Variants in MEF2A observed in about 807,000 individuals in gnomAD.
MEF2A encodes the protein myocyte enhancer factor 2A, also known as myocyte-specific enhancer factor 2A.
MEF2A carries 28 observed loss-of-function variants against 55.8 expected under a neutral mutation model. The ratio of observed to expected loss-of-function variants is 0.50; its 90% CI spans 0.37 to 0.69. The LOEUF (loss-of-function observed/expected upper bound fraction) is 0.69, where lower values mean the gene tolerates loss of function less well. Among genes scored for constraint, MEF2A ranks in the 30% least tolerant of loss-of-function variants. The pLI is 0.00. For missense variants in MEF2A, 528 were observed against 626.2 expected, an observed-to-expected ratio of 0.84 and a Z score of 1.67; for synonymous variants, 239 against 227.1, an observed-to-expected ratio of 1.05 and a Z score of -0.47.
intron 1 of MEF2A, among the ~76,000 whole-genome samples, chr15:99,585,590 A>G (rs888792433): frequency 6.6e-6 from 1 of 152,236 alleles, no homozygotes; most frequent in African/African-American, 2.4e-5. Context: ...CGCAGTGACG[A>G]CTTTTCAATA....
At position 99,645,719 on chromosome 15, in the gene MEF2A, A is replaced by G; in HGVS notation, c.213A>G (p.Glu71=). 4 of 1,612,720 alleles carry G rather than the reference A, an allele frequency of 2.5e-6. No individual in the cohort carries two copies. Among genetic ancestry groups the G allele is most frequent in the Non-Finnish European group, 3.4e-6 (4 of 1,179,268 alleles). Residue 71 remains glutamate (E), a synonymous_variant, in exon 4 of 12, where the codon GAA becomes GAG. Coordinates refer to ENST00000557942, the MANE Select transcript of MEF2A (RefSeq NM_001319206.4). ...DMDKVLLKYT[E]YNEPHESRTN... ...ACAAAGTTCTTCTCAAGTATACAGA[A>G]TATAATGAACCTCATGAAAGCAGAA...
chr15:99,696,766 T>C (rs1273974043), intron 8 of MEF2A, among the ~76,000 whole-genome samples: 1 of 151,820 alleles, frequency 6.6e-6, no homozygotes, highest in Non-Finnish European at 1.5e-5. Flanking sequence ...ACAGTCTCTT[T>C]CAGAAAAAAT....
intron 4 of MEF2A, among the ~76,000 whole-genome samples, chr15:99,667,618 C>G (rs767679531): frequency 6.6e-6 from 1 of 151,992 alleles, no homozygotes; most frequent in Non-Finnish European, 1.5e-5. Flanking sequence ...AAAATGTTGC[C>G]TTTGTAAATT....
At chr15:99,575,227 C>A (rs1323219775) in intron 1 of MEF2A, among the ~76,000 whole-genome samples, 1 of 152,106 alleles carries the variant, frequency 6.6e-6, no homozygotes, top group Non-Finnish European at 1.5e-5. Context: ...ATGTACAGTT[C>A]ATGTTGAAAT....
At chr15:99,656,268 C>G (rs1220424147) in intron 4 of MEF2A, among the ~76,000 whole-genome samples, 1 of 152,108 alleles carries the variant, frequency 6.6e-6, no homozygotes. Context: ...TCCTCCACAT[C>G]TACTAACATA....
intron 2 of MEF2A, among the ~76,000 whole-genome samples, chr15:99,630,940 C>T (rs960290720): frequency 8.5e-5 from 13 of 152,312 alleles, no homozygotes; most frequent in African/African-American, 2.4e-4. Flanking sequence ...CTCAGTCTCT[C>T]GGGCAGTAGT....
intron 4 of MEF2A, among the ~76,000 whole-genome samples, chr15:99,652,639 G>C (rs987012307): frequency 6.6e-6 from 1 of 152,142 alleles, no homozygotes; most frequent in African/African-American, 2.4e-5. Flanking sequence ...AGTAAACCAG[G>C]TCCACATGAG....
At chr15:99,695,007 G>T (rs1418034752) in intron 8 of MEF2A, among the ~76,000 whole-genome samples, 1 of 150,840 alleles carries the variant, frequency 6.6e-6, no homozygotes, top group African/African-American at 2.4e-5. Flanking sequence ...GGGGGAGCAG[G>T]CGCTTTTTTA....
At chr15:99,588,072 T>G (rs746963574) in intron 1 of MEF2A, among the ~76,000 whole-genome samples, 1 of 152,138 alleles carries the variant, frequency 6.6e-6, no homozygotes, top group African/African-American at 2.4e-5. Context: ...GTGGATGCTC[T>G]TTATAGGTTG....
At chr15:99,614,776 T>C (rs1257635895) in intron 2 of MEF2A, among the ~76,000 whole-genome samples, 1 of 152,070 alleles carries the variant, frequency 6.6e-6, no homozygotes, top group Non-Finnish European at 1.5e-5. Context: ...GGATAAGAGC[T>C]ACTGAGAGAG....
At chr15:99,665,818 C>A (rs944747510) in intron 4 of MEF2A, among the ~76,000 whole-genome samples, 1 of 149,592 alleles carries the variant, frequency 6.7e-6, no homozygotes, top group Non-Finnish European at 1.5e-5. Flanking sequence ...TTTATGCAGC[C>A]AACAAACATA....
chr15:99,637,922 C>T (rs2044180994), intron 3 of MEF2A, among the ~76,000 whole-genome samples: 2 of 152,146 alleles, frequency 1.3e-5, no homozygotes, highest in South Asian at 2.1e-4. Flanking sequence ...GAATCACAGG[C>T]GTGAGCCACC....
At chr15:99,640,528 C>G (rs991097236) in intron 3 of MEF2A, among the ~76,000 whole-genome samples, 1 of 150,548 alleles carries the variant, frequency 6.6e-6, no homozygotes, top group African/African-American at 2.4e-5. Context: ...TCCTTCACTC[C>G]CTTTCTCCCC....
At chr15:99,673,560 C>A (rs1163805490) in intron 5 of MEF2A, among the ~76,000 whole-genome samples, 1 of 152,008 alleles carries the variant, frequency 6.6e-6, no homozygotes, top group Non-Finnish European at 1.5e-5. Flanking sequence ...TATTTTCTCC[C>A]ACTTTAAATT....
intron 1 of MEF2A, among the ~76,000 whole-genome samples, chr15:99,595,014 T>C (rs1970682684): frequency 6.6e-6 from 1 of 152,192 alleles, no homozygotes. Context: ...GCATTCATTT[T>C]TTTTCCACCT....
Position 99,636,584 on chromosome 15 carries a change from C to T in MEF2A, c.54+3411C>T, listed in dbSNP as rs771558902. Among the ~76,000 whole-genome samples the T allele has an allele frequency of 6.6e-5, 10 of 152,312 alleles. 1 individual carries two copies. The Middle Eastern group carries it at 0.01, about 155-fold the overall frequency. ...GAACTCCTGGCCTTAAGTGATCCTC[C>T]TGCCTTGGCTTCCCAAAGCACTAGG... On this transcript the variant is annotated intron_variant, in intron 3 of 11. Transcript: ENST00000557942.
intron 7 of MEF2A, among the ~76,000 whole-genome samples, chr15:99,676,000 A>G (rs370109704): frequency 4.6e-5 from 7 of 152,170 alleles, no homozygotes; most frequent in African/African-American, 1.7e-4. Flanking sequence ...AGATCGCATC[A>G]CTGCACTCCA....
chr15:99,613,887 T>A (rs2039730784), intron 2 of MEF2A, among the ~76,000 whole-genome samples: 1 of 152,204 alleles, frequency 6.6e-6, no homozygotes, highest in Non-Finnish European at 1.5e-5. Flanking sequence ...GTTTTAATAT[T>A]CTACTACTGA....
At chr15:99,566,315 G>GGGCGGGTAGGGTGCTGGGA (rs1359810719) in intron 1 of MEF2A, among the ~76,000 whole-genome samples, 8 of 149,988 alleles carry the variant, frequency 5.3e-5, no homozygotes, top group African/African-American at 1.5e-4. Flanking sequence ...CGCATTGGCG[G>GGGCGGGTAGGGTGCTGGGA]GGCGGGTAGG....
Sources: allele counts gnomAD v4.1 joint callset (sites outside exome capture counted in the v4.1 genomes callset), GRCh38; gene constraint gnomAD v4.1.1; transcripts MANE v1.5; gene names NCBI Gene and HGNC (gene_info 2026-07-23, HGNC 2026-07-21).